Variants in DNAJC17 observed in about 807,000 individuals in gnomAD.
The protein encoded by DNAJC17 is DnaJ heat shock protein family (Hsp40) member C17.
In DNAJC17, 35 loss-of-function variants were observed where a neutral mutation model predicts 48.1. That is an observed-to-expected ratio of 0.73 (90% confidence interval 0.56 to 0.96). The LOEUF is 0.96. Ranked by LOEUF, DNAJC17 falls within the 50% of genes least tolerant of loss-of-function variation. DNAJC17 has a pLI of 0.00. For missense variants in DNAJC17, 355 were observed against 377.1 expected, an observed-to-expected ratio of 0.94 and a Z score of 0.48; for synonymous variants, 117 against 142.7, an observed-to-expected ratio of 0.82 and a Z score of 1.28.
rs745602023 is a variant in DNAJC17 at position 40,775,595 on chromosome 15, T to C, written c.480A>G (p.Gly160=). 2 of 1,614,024 alleles carry C rather than the reference T, an allele frequency of 1.2e-6. No homozygotes were observed. The highest frequency in any genetic ancestry group is 1.7e-6 in the Non-Finnish European group (2 of 1,179,944). The change falls in exon 7 of 11, where the codon GGA becomes GGG. Residue 160 remains glycine, a splice_region_variant and synonymous_variant. Coordinates refer to ENST00000220496, the MANE Select transcript of DNAJC17 (RefSeq NM_018163.3). ...CTTGGCCTTCAGTATTTTCTGCCTT[T>C]CCTAGAAATATTGGGAAAAGAAGAA... The part of the protein sequence containing the change: ...IRQERDQRLR[G]KAENTEGQGT...
intron 1 of DNAJC17, among the ~76,000 whole-genome samples, chr15:40,783,708 T>C (rs1380396045): frequency 3.3e-5 from 5 of 150,060 alleles, no homozygotes; most frequent in African/African-American, 1.2e-4. Context: ...ACTAAAAATA[T>C]AAAAATTAGC....
intron 8 of DNAJC17, 55 bp downstream of exon 8, chr15:40,774,976 T>C: frequency 1.3e-6 from 2 of 1,581,172 alleles, no homozygotes; most frequent in East Asian, 2.2e-5. Flanking sequence ...ACCTAGGGTG[T>C]GGACTGAGAC....
Position 40,777,640 on chromosome 15 carries a change from C to T in DNAJC17, c.296-1013G>A, listed in dbSNP as rs113005340. Reference sequence around the variant, plus strand: ...GGCTGAGGCAGGAGAATCGCTTGAACCCAGGAGGCAGAGGTTGAAGTGAGC... The same window carrying T: ...GGCTGAGGCAGGAGAATCGCTTGAATCCAGGAGGCAGAGGTTGAAGTGAGC... On this transcript the variant is annotated intron_variant, in intron 4 of 10. Coordinates refer to ENST00000220496, the MANE Select transcript of DNAJC17 (RefSeq NM_018163.3). Among the ~76,000 whole-genome samples the T allele has an allele frequency of 5.0e-3, 767 of 152,046 alleles. 7 individuals carry two copies. The highest frequency in any genetic ancestry group is 0.017 in the African/African-American group (725 of 41,460).
intron 1 of DNAJC17, 185 bp from the exon 2 acceptor site, chr15:40,780,182 T>C: frequency 1.4e-6 from 1 of 690,426 alleles, no homozygotes; most frequent in Non-Finnish European, 2.6e-6. Flanking sequence ...TGAGCCACTG[T>C]CGCCCAGCAC....
In DNAJC17 at chr15:40,770,352, TG is replaced by T; in HGVS notation, c.793-2291del. ...AGCCCTCCTCTCACCATCCAAGATG[TG>T]GTCAAAGGTCTGTGCTGAGTGGAAA... is the stretch of plus-strand genomic sequence containing the variant. On this transcript the variant is annotated intron_variant, in intron 10 of 10. Coordinates refer to ENST00000220496, the MANE Select transcript of DNAJC17 (RefSeq NM_018163.3). The surrounding 1 kb of genome is among the most constrained non-coding windows in gnomAD (Gnocchi z 5.0). 1.3e-6 allele frequency: 1 copy of T among 759,794 alleles called. No individual in the cohort carries two copies. The highest frequency in any genetic ancestry group is 2.1e-6 in the Non-Finnish European group (1 of 484,140). 47.1% of individuals were successfully genotyped at this position (759,794 alleles called of 1,614,324 possible). A position where few individuals can be genotyped will look rare whatever the true frequency, so the allele number is the denominator to read the frequency against.
chr15:40,805,335 C>T (rs1566833029), intron 1 of DNAJC17, among the ~76,000 whole-genome samples: 1 of 146,366 alleles, frequency 6.8e-6, no homozygotes, highest in African/African-American at 2.6e-5. Context: ...GAGATCATGC[C>T]ACTGCACTCC....
At chr15:40,774,533 G>C (rs1889261689) in intron 8 of DNAJC17, 97 bp from the exon 9 acceptor site, 1 of 1,338,836 alleles carries the variant, frequency 7.5e-7, no homozygotes, top group Admixed American at 1.8e-5. Flanking sequence ...GGCCCATGGG[G>C]CATTTTCAGT....
rs751482016 is a variant in DNAJC17, at chr15:40,770,679, C to T, written c.793-2617G>A. The T allele has an allele frequency of 1.8e-5, 28 of 1,548,080 alleles. No individual in the cohort carries two copies. The highest frequency in any genetic ancestry group is 3.6e-5 in the South Asian group (3 of 84,048). On this transcript the variant is annotated intron_variant, in intron 10 of 10. Coordinates refer to ENST00000220496, the MANE Select transcript of DNAJC17 (RefSeq NM_018163.3). The surrounding 1 kb of genome is among the most constrained non-coding windows in gnomAD (Gnocchi z 5.0). ...GGAGCTACAAGGGAGGCCAGATGGC[C>T]GGCGCCTGCCACTGTGGGGGGACGA...
chr15:40,803,699 C>T (rs1251186096), intron 1 of DNAJC17, among the ~76,000 whole-genome samples: 1 of 152,192 alleles, frequency 6.6e-6, no homozygotes, highest in Non-Finnish European at 1.5e-5. Flanking sequence ...ACATCCACAG[C>T]ACTTTGTACC....
intron 1 of DNAJC17, among the ~76,000 whole-genome samples, chr15:40,781,721 A>ACCATC (rs1889495265): frequency 6.6e-6 from 1 of 151,640 alleles, no homozygotes; most frequent in East Asian, 1.9e-4. Flanking sequence ...GGAGATTGAG[A>ACCATC]CCATCCCGGC....
At chr15:40,774,881 AGTCTCTAAGAC>A (rs1434754125) in intron 8 of DNAJC17, 139 bp downstream of exon 8, 2 of 756,048 alleles carry the variant, frequency 2.6e-6, no homozygotes, top group East Asian at 5.4e-5. Context: ...CCTGGGGAGA[AGTCTCTAAGAC>A]GTCCCATGGT....
rs1039208349 is a variant in DNAJC17, at chr15:40,769,176, C to G, written c.793-1114G>C. Among the ~76,000 whole-genome samples, 3 of 152,176 alleles carry G rather than the reference C, an allele frequency of 2.0e-5. No homozygotes were observed. Among genetic ancestry groups the G allele is most frequent in the African/African-American group, 7.2e-5 (3 of 41,434 alleles). Reference sequence around the variant, plus strand: ...TCCCCTCTCCCCGGCTGCAGCAGTCCCAGCTAGGCCGGACTGCTAAGCCTG... The same window carrying G: ...TCCCCTCTCCCCGGCTGCAGCAGTCGCAGCTAGGCCGGACTGCTAAGCCTG... On this transcript the variant is annotated intron_variant, in intron 10 of 10. Coordinates refer to ENST00000220496, the MANE Select transcript of DNAJC17 (RefSeq NM_018163.3). The surrounding 1 kb of genome is among the most constrained non-coding windows in gnomAD (Gnocchi z 4.2).
At chr15:40,793,448 T>C (rs1889865223) in intron 1 of DNAJC17, among the ~76,000 whole-genome samples, 1 of 152,132 alleles carries the variant, frequency 6.6e-6, no homozygotes, top group East Asian at 1.9e-4. Flanking sequence ...GGTGAGAAAC[T>C]CCATTCATTT....
At chr15:40,771,257 G>T (rs117477898) in intron 10 of DNAJC17, 20 of 568,136 alleles carry the variant, frequency 3.5e-5, no homozygotes, top group Middle Eastern at 4.8e-4. Flanking sequence ...GGAAATGTTG[G>T]GGGGGCGGCC....
In DNAJC17 at chr15:40,767,655, T is replaced by G. The variant is rs1313606842; in HGVS notation, c.*285A>C. On this transcript the variant is annotated 3_prime_UTR_variant, in exon 11 of 11. Coordinates refer to ENST00000220496, the MANE Select transcript of DNAJC17 (RefSeq NM_018163.3). Reference sequence around the variant, plus strand: ...CCGGAGCTGGGCACTCCAGCGGCCCTGGCGCGTGGCTCCTGCATAGCTAGC... The same window carrying G: ...CCGGAGCTGGGCACTCCAGCGGCCCGGGCGCGTGGCTCCTGCATAGCTAGC... 1 of 585,294 alleles carries G rather than the reference T, an allele frequency of 1.7e-6. No individual in the cohort carries two copies. Among genetic ancestry groups the G allele is most frequent in the African/African-American group, 1.9e-5 (1 of 51,730 alleles). 36.3% of individuals were successfully genotyped at this position (585,294 alleles called of 1,614,324 possible).
Position 40,767,393 on chromosome 15 carries a change from C to G in DNAJC17, c.*547G>C, listed in dbSNP as rs531608687. On this transcript the variant is annotated 3_prime_UTR_variant, in exon 11 of 11. Coordinates refer to ENST00000220496, the MANE Select transcript of DNAJC17 (RefSeq NM_018163.3). ...CAGACGGGGCACCCCTGTGGAGGGGCTGCTGTGGGCCCTGACCTCCAAGCT... is the reference window on the plus strand; with the variant it reads ...CAGACGGGGCACCCCTGTGGAGGGGGTGCTGTGGGCCCTGACCTCCAAGCT... 1.4e-4 allele frequency: 223 copies of G among 1,554,350 alleles called. 2 individuals are homozygous for G. In the Middle Eastern group the frequency reaches 2.8e-3, roughly 19 times the overall value.
intron 1 of DNAJC17, among the ~76,000 whole-genome samples, chr15:40,798,990 C>A (rs1038889757): frequency 6.6e-6 from 1 of 151,934 alleles, no homozygotes. Context: ...GAGGCTGAGG[C>A]GGGCGGATCA....
rs114271289 is a variant in DNAJC17 at position 40,798,632 on chromosome 15, C to T, written c.78+8737G>A. ...CGTGCAGGACAGGCAGTAAGGGCCG[C>T]GTGGGCCAGGGGAAGGACTTCAGAT... On this transcript the variant is annotated intron_variant, in intron 1 of 10. Coordinates refer to ENST00000220496, the MANE Select transcript of DNAJC17 (RefSeq NM_018163.3). 3.3e-3 allele frequency among the ~76,000 whole-genome samples: 502 copies of T among 152,156 alleles called. 2 individuals carry two copies. Among genetic ancestry groups the T allele is most frequent in the African/African-American group, 9.1e-3 (376 of 41,494 alleles).
chr15:40,788,919 C>T (rs1053950505), intron 1 of DNAJC17, among the ~76,000 whole-genome samples: 2 of 152,112 alleles, frequency 1.3e-5, no homozygotes, highest in African/African-American at 4.8e-5. Flanking sequence ...AAGATTGATC[C>T]TTTCATTCCT....
Sources: gnomAD v4.1 joint callset for allele counts (sites outside exome capture counted in the v4.1 genomes callset) on GRCh38, gnomAD v4.1.1 for gene constraint, Gnocchi (gnomAD v3.1) non-coding constraint, MANE v1.5 for transcripts, NCBI Gene and HGNC (gene_info 2026-07-23, HGNC 2026-07-21) for gene names.